The following CSF2RA variants were observed in gnomAD, a reference collection of about 807,000 sequenced individuals.
CSF2RA encodes colony stimulating factor 2 receptor subunit alpha.
Under a neutral mutation model 51.6 loss-of-function variants are expected in CSF2RA, and 42 were observed. The observed-to-expected ratio is 0.81, with a 90% CI of 0.64 to 1.05. CSF2RA has a LOEUF of 1.05. Ranked by LOEUF, CSF2RA falls within the 50% of genes least tolerant of loss-of-function variation. CSF2RA has a pLI of 0.00. For missense variants in CSF2RA, 530 were observed against 501.1 expected (o/e 1.06, Z -0.55); for synonymous variants, 222 against 193.0 (o/e 1.15, Z -1.24).
the CSF2RA span, among the ~76,000 whole-genome samples, chrX:1,318,049 A>T: frequency 2.0e-5 from 3 of 150,546 alleles, no homozygotes; most frequent in South Asian, 2.1e-4. Flanking sequence ...AGTGCAGTGG[A>T]GCGATCTCGG....
chrX:1,311,310 T>A, downstream of CSF2RA, among the ~76,000 whole-genome samples: 1 of 150,684 alleles, frequency 6.6e-6, no homozygotes, highest in Admixed American at 6.6e-5. Flanking sequence ...TCTTGCCACC[T>A]CTCCCACCAT....
In CSF2RA at chrX:1,283,505, C is replaced by CT. The variant is rs372783935; in HGVS notation, c.76+735dup. Among the ~76,000 whole-genome samples, 1,059 of 131,294 alleles carry CT rather than the reference C, an allele frequency of 8.1e-3. 12 individuals are homozygous for CT. Among genetic ancestry groups the CT allele is most frequent in the African/African-American group, 0.026 (944 of 36,528 alleles). The allele number at this position is 131,294 out of a possible 152,430, so 86.1% of individuals were successfully genotyped here. On this transcript the variant is annotated intron_variant, in intron 3 of 12. Transcript: ENST00000381529. ...CTCTCTCTTTCTTTCTTTCTTTCTC[C>CT]TTTTTTTTTCTCCTTCTTTGTTTCT...
the CSF2RA span, among the ~76,000 whole-genome samples, chrX:1,319,182 G>C: frequency 6.7e-6 from 1 of 149,176 alleles, no homozygotes; most frequent in Admixed American, 6.7e-5. Context: ...TTTTAGTAAA[G>C]ACAGGGTTTC....
Position 1,300,615 on chromosome X carries a change from C to T in CSF2RA, c.935C>T (p.Ala312Val). The change falls in exon 10 of 13, where the codon GCC becomes GTC. Residue 312 changes from alanine (A) to valine (V), a missense_variant. Transcript: ENST00000381529. ...TTGAATTGGAGCTCCTGGAGTGAAG[C>T]CATTGAATTTGGTAAGCGTTGGGCG... ...RILNWSSWSEAIEFGSDDGNL... is the reference protein window; with the variant it reads ...RILNWSSWSEVIEFGSDDGNL... The T allele has an allele frequency of 6.2e-7, 1 of 1,613,860 alleles. No individual in the cohort carries two copies. The highest frequency in any genetic ancestry group is 8.5e-7 in the Non-Finnish European group (1 of 1,179,854).
intron 6 of CSF2RA, among the ~76,000 whole-genome samples, chrX:1,289,537 T>A (rs1435920373): frequency 6.6e-6 from 1 of 151,180 alleles, no homozygotes; most frequent in Non-Finnish European, 1.5e-5. Context: ...TCTGTGTTTT[T>A]CTTTTGTTTT....
At position 1,285,812 on chromosome X, in the gene CSF2RA, T is replaced by C. The variant is rs1247871127; in HGVS notation, c.111T>C (p.Asn37=). The C allele has an allele frequency of 6.2e-7, 1 of 1,612,182 alleles. No homozygotes were observed. Among genetic ancestry groups the C allele is most frequent in the East Asian group, 2.2e-5 (1 of 44,782 alleles). The part of the protein sequence containing the change: ...LRTVAPASSL[N]VRFDSRTMNL... ...CAGTGGCACCAGCCTCTAGTCTCAA[T>C]GTGAGGTTTGACTCCAGGACGATGA... Residue 37 remains asparagine (N), a synonymous_variant, in exon 4 of 13, where the codon AAT becomes AAC. Coordinates refer to ENST00000381529, the MANE Select transcript of CSF2RA (RefSeq NM_172245.4).
chrX:1,287,823 G>A lies in CSF2RA; in HGVS notation c.220-696G>A, dbSNP rs1240343936. On this transcript the variant is annotated intron_variant, in intron 4 of 12. Coordinates refer to ENST00000381529, the MANE Select transcript of CSF2RA (RefSeq NM_172245.4). The stretch of plus-strand genomic sequence containing the variant: ...GTGATCTCAGCTCACTGCAACCTGT[G>A]CCTCCTGGGTTCAAGAGAGTCTCCT... 5.8e-5 allele frequency among the ~76,000 whole-genome samples: 8 copies of A among 138,526 alleles called. 2 individuals carry two copies. The highest frequency in any genetic ancestry group is 1.2e-4 in the Non-Finnish European group (8 of 64,162). The allele number at this position is 138,526 out of a possible 152,430, so 90.9% of individuals were successfully genotyped here.
intron 2 of CSF2RA, among the ~76,000 whole-genome samples, chrX:1,276,373 T>C (rs1170273543): frequency 6.7e-6 from 1 of 149,278 alleles, no homozygotes; most frequent in Non-Finnish European, 1.5e-5. Flanking sequence ...TTTATTTATT[T>C]ATTTATTTTT....
At chrX:1,279,221 C>G (rs771889276) in intron 2 of CSF2RA, among the ~76,000 whole-genome samples, 3 of 150,178 alleles carry the variant, frequency 2.0e-5, no homozygotes, top group African/African-American at 4.9e-5. Context: ...CGTGTTGGTG[C>G]GTGCCTGTAG....
At chrX:1,272,354 A>AG (rs1175961717) in intron 1 of CSF2RA, among the ~76,000 whole-genome samples, 1 of 79,864 alleles carries the variant, frequency 1.3e-5, no homozygotes, top group African/African-American at 4.1e-5. Context: ...TTGAGACTAC[A>AG]GAAGGATAGG....
the CSF2RA span, among the ~76,000 whole-genome samples, chrX:1,318,047 G>A: frequency 6.6e-6 from 1 of 151,604 alleles, no homozygotes; most frequent in Non-Finnish European, 1.5e-5. Flanking sequence ...GGAGTGCAGT[G>A]GAGCGATCTC....
intron 2 of CSF2RA, among the ~76,000 whole-genome samples, chrX:1,278,993 C>T (rs2089555127): frequency 6.6e-6 from 1 of 151,278 alleles, no homozygotes; most frequent in African/African-American, 2.4e-5. Context: ...GCCGAGATGG[C>T]GCCACTGTAC....
chrX:1,270,529 G>A (rs745467791), intron 1 of CSF2RA, among the ~76,000 whole-genome samples: 103 of 152,130 alleles, frequency 6.8e-4, no homozygotes, highest in African/African-American at 2.4e-3. Context: ...GTGGGCCACC[G>A]CGCCTGGCCC....
chrX:1,323,290 G>C, the CSF2RA span, among the ~76,000 whole-genome samples: 51,079 of 151,258 alleles, frequency 0.34, 8,442 homozygotes, highest in East Asian at 0.43. Flanking sequence ...GAGGCGGGCG[G>C]ATCACCTGAG....
chrX:1,314,408 CT>C (rs1409643306), downstream of CSF2RA, among the ~76,000 whole-genome samples: 101 of 148,710 alleles, frequency 6.8e-4, no homozygotes, highest in East Asian at 0.011. Flanking sequence ...CTGCACCTGC[CT>C]AACCGTACTG....
the CSF2RA span, among the ~76,000 whole-genome samples, chrX:1,324,362 G>T: frequency 2.9e-5 from 4 of 140,072 alleles, no homozygotes; most frequent in South Asian, 9.0e-4. Flanking sequence ...AGGAAAAAGA[G>T]AAAGGAAAGA....
chrX:1,316,909 CTAGA>C, the CSF2RA span, among the ~76,000 whole-genome samples: 1 of 152,208 alleles, frequency 6.6e-6, no homozygotes, highest in African/African-American at 2.4e-5. Flanking sequence ...TAACAATGAA[CTAGA>C]TAGATTACTA....
intron 12 of CSF2RA, among the ~76,000 whole-genome samples, chrX:1,308,624 A>T (rs2083915302): frequency 6.6e-6 from 1 of 151,846 alleles, no homozygotes; most frequent in Non-Finnish European, 1.5e-5. Flanking sequence ...CATAGGTAAC[A>T]TCCTCCTGGT....
Position 1,282,661 on chromosome X carries a change from T to C in CSF2RA, c.-26-17T>C. Reference sequence around the variant, plus strand: ...GAGAGGCAACCTTCTCACTGTGTGATATTTTCTCTCCTGCAGCTCTTCCCT... The same window carrying C: ...GAGAGGCAACCTTCTCACTGTGTGACATTTTCTCTCCTGCAGCTCTTCCCT... On this transcript the variant is annotated splice_polypyrimidine_tract_variant and intron_variant, in intron 2 of 12. Coordinates refer to ENST00000381529, the MANE Select transcript of CSF2RA (RefSeq NM_172245.4). 6.4e-7 allele frequency: 1 copy of C among 1,551,172 alleles called. No individual in the cohort carries two copies. The highest frequency in any genetic ancestry group is 8.9e-7 in the Non-Finnish European group (1 of 1,122,676).
Sources: allele counts gnomAD v4.1 joint callset (sites outside exome capture counted in the v4.1 genomes callset), GRCh38; gene constraint gnomAD v4.1.1; transcripts MANE v1.5; gene names NCBI Gene and HGNC (gene_info 2026-07-23, HGNC 2026-07-21).